The following PTPRO variants were observed in gnomAD, a reference collection of about 807,000 sequenced individuals.
The protein encoded by PTPRO is protein tyrosine phosphatase receptor type O.
PTPRO carries 62 observed loss-of-function variants against 145.2 expected under a neutral mutation model. The observed-to-expected ratio is 0.43, with a 90% CI of 0.35 to 0.53. The LOEUF (loss-of-function observed/expected upper bound fraction) is 0.53. Ranked by LOEUF, PTPRO falls within the 20% of genes least tolerant of loss-of-function variation. The pLI, the probability that PTPRO is intolerant of heterozygous loss-of-function variation, is 0.01. For synonymous variants in PTPRO, 565 were observed against 514.7 expected (o/e 1.10, Z -1.32); for missense variants, 1,345 against 1,482.7 (o/e 0.91, Z 1.53).
intron 1 of PTPRO, among the ~76,000 whole-genome samples, chr12:15,440,927 C>T (rs887012318): frequency 6.6e-6 from 1 of 152,020 alleles, no homozygotes; most frequent in Non-Finnish European, 1.5e-5. Flanking sequence ...GGTCTTCAAC[C>T]CCCAACTGAC....
intron 1 of PTPRO, among the ~76,000 whole-genome samples, chr12:15,404,434 G>T (rs892744964): frequency 1.3e-5 from 2 of 152,126 alleles, no homozygotes; most frequent in Non-Finnish European, 2.9e-5. Flanking sequence ...TTCACATACT[G>T]TACTTTGCCT....
At chr12:15,376,728 C>T (rs897295094) in intron 1 of PTPRO, among the ~76,000 whole-genome samples, 5 of 152,142 alleles carry the variant, frequency 3.3e-5, no homozygotes, top group African/African-American at 1.2e-4. Flanking sequence ...TGTGTCCTTA[C>T]ATGACAGAAT....
chr12:15,501,787 G>A lies in PTPRO; in HGVS notation c.829G>A (p.Gly277Ser). The change falls in exon 5 of 27, where the codon GGC (glycine) becomes AGC (serine). Residue 277 changes from glycine (G) to serine (S), a missense_variant. By Grantham distance (56) the Gly-to-Ser change is moderately conservative. Coordinates refer to ENST00000281171, the MANE Select transcript of PTPRO (RefSeq NM_030667.3). ...AGAAGAAACCCCTGAAATTCCCTCG[G>A]GCAACATTTCTTCCGGTTGGCCTGA... The part of the protein sequence containing the change: ...FTEETPEIPS[G>S]NISSGWPDFN... The A allele has an allele frequency of 6.2e-7, 1 of 1,614,010 alleles. No homozygotes were observed. The highest frequency in any genetic ancestry group is 8.5e-7 in the Non-Finnish European group (1 of 1,180,004).
chr12:15,486,796 G>C (rs755169765), intron 2 of PTPRO, among the ~76,000 whole-genome samples: 2 of 151,392 alleles, frequency 1.3e-5, no homozygotes, highest in Non-Finnish European at 2.9e-5. Flanking sequence ...AATTTAAATA[G>C]TGCAGGTTTA....
chr12:15,462,723 A>T (rs1324915769), intron 1 of PTPRO, among the ~76,000 whole-genome samples: 1 of 152,170 alleles, frequency 6.6e-6, no homozygotes, highest in Non-Finnish European at 1.5e-5. Flanking sequence ...GGCATAATTC[A>T]CTCAAGACAT....
chr12:15,352,598 C>T (rs1173874204), intron 1 of PTPRO, among the ~76,000 whole-genome samples: 1 of 148,894 alleles, frequency 6.7e-6, no homozygotes, highest in Non-Finnish European at 1.5e-5. Flanking sequence ...TGCAGTGAGC[C>T]GGGATCGCAC....
chr12:15,469,541 T>G (rs1460908699), intron 1 of PTPRO, among the ~76,000 whole-genome samples: 1 of 152,112 alleles, frequency 6.6e-6, no homozygotes, highest in South Asian at 2.1e-4. Flanking sequence ...TTTAAACTTC[T>G]CAGCACAGTA....
chr12:15,466,013 T>C (rs1251128264), intron 1 of PTPRO, among the ~76,000 whole-genome samples: 4 of 152,138 alleles, frequency 2.6e-5, no homozygotes. Context: ...ATAAATATTA[T>C]CCAATATGAT....
intron 1 of PTPRO, among the ~76,000 whole-genome samples, chr12:15,376,809 T>G (rs977048642): frequency 2.6e-5 from 4 of 152,172 alleles, no homozygotes; most frequent in African/African-American, 9.7e-5. Context: ...TCCACTCTCA[T>G]AACCTAATCA....
intron 20 of PTPRO, among the ~76,000 whole-genome samples, 156 bp downstream of exon 20, chr12:15,579,099 G>A (rs1944252030): frequency 6.6e-6 from 1 of 152,176 alleles, no homozygotes; most frequent in South Asian, 2.1e-4. Context: ...CTCCTTTGAT[G>A]TCTTTAGATC....
chr12:15,481,801 TA>T (rs1941783815), intron 1 of PTPRO, among the ~76,000 whole-genome samples: 1 of 152,220 alleles, frequency 6.6e-6, no homozygotes, highest in Non-Finnish European at 1.5e-5. Context: ...AAAAAGTCAG[TA>T]CATTTTTCAG....
At chr12:15,440,310 T>C (rs983845781) in intron 1 of PTPRO, 3 of 510,162 alleles carry the variant, frequency 5.9e-6, no homozygotes, top group Admixed American at 6.1e-5. Context: ...GTATTCACCA[T>C]GTCTCCCTAT....
At chr12:15,565,734 GGCAAA>G in intron 18 of PTPRO, 106 bp downstream of exon 18, 2 of 840,346 alleles carry the variant, frequency 2.4e-6, no homozygotes, top group Admixed American at 2.0e-5. Flanking sequence ...TTAAGAAAGA[GGCAAA>G]TGCATATTAC....
At chr12:15,553,704 A>G (rs1565424119) in intron 15 of PTPRO, among the ~76,000 whole-genome samples, 1 of 152,116 alleles carries the variant, frequency 6.6e-6, no homozygotes, top group South Asian at 2.1e-4. Flanking sequence ...TAGATTTAAC[A>G]CTTTCATTTT....
At position 15,497,265 on chromosome 12, in the gene PTPRO, G is replaced by C; in HGVS notation, c.370G>C (p.Val124Leu). 1 of 1,577,208 alleles carries C rather than the reference G, an allele frequency of 6.3e-7. No homozygotes were observed. The highest frequency in any genetic ancestry group is 8.7e-7 in the Non-Finnish European group (1 of 1,146,998). Residue 124 changes from valine to leucine, a missense_variant, in exon 3 of 27, where the codon GTT (valine) becomes CTT (leucine). Val to Leu is a conservative substitution (Grantham distance 32). This residue lies in a region of PTPRO where 1,130 missense variants were observed against 1,214.7 expected (regional missense o/e 0.93). Coordinates refer to ENST00000281171, the MANE Select transcript of PTPRO (RefSeq NM_030667.3). Reference protein sequence around the residue: ...VLTKPLPVTSVSIYDYKPSPE... With the variant: ...VLTKPLPVTSLSIYDYKPSPE... ...TGTAGAACCTCTACCTGTAACCAGT[G>C]TTTCCATATATGACTATAAACCTTC...
chr12:15,556,479 A>G (rs1338153582), intron 15 of PTPRO, among the ~76,000 whole-genome samples: 3 of 152,014 alleles, frequency 2.0e-5, no homozygotes, highest in African/African-American at 7.2e-5. Flanking sequence ...AGAAGGCATG[A>G]GAATATGTTT....
rs971953425 is a variant in PTPRO, at chr12:15,526,318, G to A, written c.2164+56G>A. On this transcript the variant is annotated intron_variant, in intron 12 of 26. Coordinates refer to ENST00000281171, the MANE Select transcript of PTPRO (RefSeq NM_030667.3). ...ATAATCACTAATGTTTGCATCATTC[G>A]ATTCAGCAAGAGCTCCTCAATTCAA... 7.5e-6 allele frequency: 12 copies of A among 1,599,576 alleles called. No homozygotes were observed. The East Asian group carries it at 1.6e-4, about 21-fold the overall frequency.
chr12:15,551,966 A>T (rs1024765313), intron 15 of PTPRO, among the ~76,000 whole-genome samples: 2 of 149,732 alleles, frequency 1.3e-5, no homozygotes, highest in African/African-American at 4.9e-5. Context: ...GGGTACTTTC[A>T]TACACATTTG....
intron 2 of PTPRO, 125 bp from the exon 3 acceptor site, chr12:15,497,120 C>A (rs1185685634): frequency 3.5e-6 from 3 of 856,834 alleles, no homozygotes; most frequent in Non-Finnish European, 5.8e-6. Context: ...GAGTTTAGTG[C>A]CCACAGACAG....
Sources: gnomAD v4.1 joint callset for allele counts (sites outside exome capture counted in the v4.1 genomes callset) on GRCh38, gnomAD v4.1.1 for gene constraint, gnomAD v4.1.1 regional missense constraint, MANE v1.5 for transcripts, NCBI Gene and HGNC (gene_info 2026-07-23, HGNC 2026-07-21) for gene names.